Variants in TOP1MT observed in about 807,000 individuals in gnomAD.
The protein encoded by TOP1MT is DNA topoisomerase I mitochondrial.
In TOP1MT, 80 loss-of-function variants were observed where a neutral mutation model predicts 73.9. The observed-to-expected ratio is 1.08, with a 90% CI of 0.90 to 1.30. The LOEUF is 1.30. TOP1MT is among the 50% of genes most tolerant of loss of function. TOP1MT has a pLI of 0.00. For synonymous variants in TOP1MT, 338 were observed against 326.4 expected (o/e 1.04, Z -0.38); for missense variants, 815 against 808.0 (o/e 1.01, Z -0.10).
chr8:143,356,687 G>A (rs1338243880), upstream of TOP1MT, among the ~76,000 whole-genome samples: 1 of 149,676 alleles, frequency 6.7e-6, no homozygotes, highest in East Asian at 2.0e-4. Flanking sequence ...TCAGGAGGCT[G>A]AGGCAGGAGA....
At chr8:143,357,638 T>C (rs1817433870), upstream of TOP1MT, among the ~76,000 whole-genome samples, 2 of 151,798 alleles carry the variant, frequency 1.3e-5, no homozygotes, top group South Asian at 2.1e-4. Context: ...ATAAAAACAT[T>C]AGGCCAAGTG....
rs767599832 is a variant in TOP1MT, at chr8:143,334,867, A to T, written c.-6T>A. 1.2e-5 allele frequency: 17 copies of T among 1,455,546 alleles called. No individual in the cohort carries two copies. Among genetic ancestry groups the T allele is most frequent in the Non-Finnish European group, 1.4e-5 (16 of 1,124,238 alleles). The allele number at this position is 1,455,546 out of a possible 1,614,324, so 90.2% of individuals were successfully genotyped here. A position where few individuals can be genotyped will look rare whatever the true frequency, so the allele number is the denominator to read the frequency against. On this transcript the variant is annotated 5_prime_UTR_variant, in exon 1 of 14. Transcript: ENST00000329245. ...AGCAGCCGCACCACGCGCATCTGCCAGCCTCCGGGAAAGAGCGACAAGCTG... is the reference window on the plus strand; with the variant it reads ...AGCAGCCGCACCACGCGCATCTGCCTGCCTCCGGGAAAGAGCGACAAGCTG...
chr8:143,333,498 G>C (rs1816913655), intron 1 of TOP1MT, among the ~76,000 whole-genome samples: 1 of 152,200 alleles, frequency 6.6e-6, no homozygotes, highest in African/African-American at 2.4e-5. Flanking sequence ...GACCCTGACT[G>C]CCAAGTCCTT....
intron 1 of TOP1MT, among the ~76,000 whole-genome samples, 193 bp from the exon 2 acceptor site, chr8:143,331,532 C>T (rs1183196984): frequency 6.6e-6 from 1 of 152,204 alleles, no homozygotes; most frequent in Admixed American, 6.5e-5. Flanking sequence ...CGTGTACCCG[C>T]CCATGCCCCC....
At position 143,317,780 on chromosome 8, in the gene TOP1MT, A is replaced by G. The variant is rs1374774404; in HGVS notation, c.1273T>C (p.Phe425Leu). 1 of 1,614,042 alleles carries G rather than the reference A, an allele frequency of 6.2e-7. No homozygotes were observed. Among genetic ancestry groups the G allele is most frequent in the Non-Finnish European group, 8.5e-7 (1 of 1,180,038 alleles). The change falls in exon 10 of 14, where the codon TTC becomes CTC. Residue 425 changes from phenylalanine (F) to leucine (L), a missense_variant. Around this residue, in one of 3 missense-constraint regions of TOP1MT, gnomAD observed 751 missense variants for 725.4 expected, o/e 1.04. Coordinates refer to ENST00000329245, the MANE Select transcript of TOP1MT (RefSeq NM_052963.3). ...ELMDGLTAKV[F>L]RTYNASITLQ... ...GTGATGGAGGCGTTGTAGGTCCGGA[A>G]CACCTTGGCCGTCAGCCCGTCCATC...
At chr8:143,352,153 A>G (rs1817330240) in intron 1 of TOP1MT, among the ~76,000 whole-genome samples, 1 of 152,244 alleles carries the variant, frequency 6.6e-6, no homozygotes, top group Non-Finnish European at 1.5e-5. Context: ...TCAAAATTCC[A>G]GCTAGTGTTT....
chr8:143,331,162 T>C (rs1816842878), intron 2 of TOP1MT, 62 bp downstream of exon 2: 8 of 1,363,034 alleles, frequency 5.9e-6, no homozygotes, highest in South Asian at 1.3e-5. Flanking sequence ...AGATGCCCAC[T>C]GGGAGCCCAC....
At chr8:143,332,913 G>C (rs1013231058) in intron 1 of TOP1MT, among the ~76,000 whole-genome samples, 1 of 152,094 alleles carries the variant, frequency 6.6e-6, no homozygotes, top group Non-Finnish European at 1.5e-5. Flanking sequence ...GGAGAGGGGG[G>C]TTCTGCTGAC....
upstream of TOP1MT, among the ~76,000 whole-genome samples, chr8:143,337,416 C>T (rs1018601248): frequency 6.6e-5 from 10 of 151,982 alleles, no homozygotes; most frequent in South Asian, 2.1e-4. Flanking sequence ...AAAAAAAAGA[C>T]GGCAATACTC....
At chr8:143,317,151 C>G (rs947737105) in intron 10 of TOP1MT, among the ~76,000 whole-genome samples, 1 of 152,226 alleles carries the variant, frequency 6.6e-6, no homozygotes, top group African/African-American at 2.4e-5. Flanking sequence ...GAGGCACCCT[C>G]TGGACAGTCT....
chr8:143,356,335 C>T (rs536044712), upstream of TOP1MT, among the ~76,000 whole-genome samples: 1 of 152,382 alleles, frequency 6.6e-6, no homozygotes, highest in African/African-American at 2.4e-5. Flanking sequence ...ACTCCAGCTC[C>T]TTCTACACCC....
chr8:143,325,459 T>C lies in TOP1MT; in HGVS notation c.558A>G (p.Ile186Met), dbSNP rs1040448132. 2 of 1,613,496 alleles carry C rather than the reference T, an allele frequency of 1.2e-6. No individual in the cohort carries two copies. Among genetic ancestry groups the C allele is most frequent in the African/African-American group, 2.7e-5 (2 of 74,940 alleles). Residue 186 changes from isoleucine (I) to methionine (M), a missense_variant, in exon 5 of 14, where the codon ATA (isoleucine) becomes ATG (methionine). Around this residue, in one of 3 missense-constraint regions of TOP1MT, gnomAD observed 751 missense variants for 725.4 expected, o/e 1.04. Transcript: ENST00000329245. ...CAGGCGGCTCAATCTTGAAGTTGCC[T>C]ATTTTTTCTTGGTGACCATCTAAAA... The part of the protein sequence containing the change: ...YCILDGHQEK[I>M]GNFKIEPPGL...
In TOP1MT at chr8:143,317,777, G is replaced by C; in HGVS notation, c.1276C>G (p.Arg426Gly). The change falls in exon 10 of 14, where the codon CGG becomes GGG. Residue 426 changes from arginine (R) to glycine (G), a missense_variant. Transcript: ENST00000329245. ...AGAGTGATGGAGGCGTTGTAGGTCC[G>C]GAACACCTTGGCCGTCAGCCCGTCC... The part of the protein sequence containing the change: ...LMDGLTAKVF[R>G]TYNASITLQE... The C allele has an allele frequency of 6.2e-7, 1 of 1,614,168 alleles. No homozygotes were observed. Among genetic ancestry groups the C allele is most frequent in the Non-Finnish European group, 8.5e-7 (1 of 1,180,026 alleles).
intron 7 of TOP1MT, 94 bp downstream of exon 7, chr8:143,323,905 A>T: frequency 1.4e-6 from 2 of 1,446,000 alleles, no homozygotes; most frequent in Non-Finnish European, 1.9e-6. Flanking sequence ...CACCCCACAC[A>T]CAGGCCCACG....
upstream of TOP1MT, among the ~76,000 whole-genome samples, chr8:143,346,692 G>A (rs1817226369): frequency 1.3e-5 from 2 of 152,112 alleles, no homozygotes; most frequent in Admixed American, 1.3e-4. Context: ...CACAGACTGG[G>A]CAATTTATAA....
chr8:143,348,997 G>A (rs566435649), upstream of TOP1MT, among the ~76,000 whole-genome samples: 7 of 152,288 alleles, frequency 4.6e-5, no homozygotes, highest in South Asian at 4.1e-4. This position sits in a 1 kb window ranked among gnomAD's most constrained non-coding sequence, Gnocchi z 4.6. Flanking sequence ...CAGAATGCTC[G>A]TAGCTGGCTT....
chr8:143,323,061 G>GCCACACAC (rs1816558649), intron 7 of TOP1MT, among the ~76,000 whole-genome samples: 2 of 43,332 alleles, frequency 4.6e-5, no homozygotes, highest in Admixed American at 3.0e-4. Flanking sequence ...GCCACACACA[G>GCCACACAC]GCACACCACA....
intron 6 of TOP1MT, 100 bp downstream of exon 6, chr8:143,324,385 T>A (rs1816646860): frequency 2.6e-6 from 4 of 1,560,648 alleles, no homozygotes; most frequent in Non-Finnish European, 2.6e-6. Context: ...TCCCAGCCCA[T>A]CTCAGAAGCC....
chr8:143,353,769 G>C (rs892638911), intron 1 of TOP1MT, among the ~76,000 whole-genome samples: 2 of 151,830 alleles, frequency 1.3e-5, no homozygotes, highest in Admixed American at 1.3e-4. Context: ...TTTGAGACCA[G>C]CCTGGCCAAC....
Sources: allele counts gnomAD v4.1 joint callset (sites outside exome capture counted in the v4.1 genomes callset), GRCh38; gene constraint gnomAD v4.1.1; regional missense constraint gnomAD v4.1.1; non-coding constraint Gnocchi (gnomAD v3.1); transcripts MANE v1.5; gene names NCBI Gene and HGNC (gene_info 2026-07-23, HGNC 2026-07-21).